LIMCH1: variants seen among roughly 807,000 people sequenced by gnomAD.
The protein encoded by LIMCH1 is LIM and calponin homology domains-containing protein 1.
Under a neutral mutation model 176.5 loss-of-function variants are expected in LIMCH1, and 113 were observed. The ratio of observed to expected loss-of-function variants is 0.64; its 90% CI spans 0.55 to 0.75. The LOEUF (loss-of-function observed/expected upper bound fraction) is 0.75. Among genes scored for constraint, LIMCH1 ranks in the 30% least tolerant of loss-of-function variants. LIMCH1 has a pLI of 0.00. For missense variants in LIMCH1, 1,674 were observed against 1,814.9 expected (o/e 0.92, Z 1.41); for synonymous variants, 619 against 645.9 (o/e 0.96, Z 0.63).
At chr4:41,492,334 G>C (rs1398268838) in intron 1 of LIMCH1, among the ~76,000 whole-genome samples, 6 of 152,036 alleles carry the variant, frequency 3.9e-5, no homozygotes, top group Non-Finnish European at 8.8e-5. Context: ...CCGAGGCAGG[G>C]AGGTTGCAGC....
chr4:41,538,813 GC>G (rs1437301541), intron 1 of LIMCH1, among the ~76,000 whole-genome samples: 1 of 152,026 alleles, frequency 6.6e-6, no homozygotes, highest in African/African-American at 2.4e-5. Flanking sequence ...AGCCCCCTTT[GC>G]TTTTTAAAAA....
chr4:41,369,514 C>T (rs562895262), intron 1 of LIMCH1, among the ~76,000 whole-genome samples: 1 of 152,324 alleles, frequency 6.6e-6, no homozygotes, highest in Non-Finnish European at 1.5e-5. Flanking sequence ...TTCTCCACTT[C>T]TCCAGGGACA....
chr4:41,614,167 T>C (rs1292533860), intron 5 of LIMCH1, among the ~76,000 whole-genome samples: 2 of 152,252 alleles, frequency 1.3e-5, no homozygotes, highest in Non-Finnish European at 2.9e-5. Flanking sequence ...ATGCTTGTGA[T>C]ACCTGACTGG....
chr4:41,690,167 T>C (rs1724339684), intron 30 of LIMCH1, among the ~76,000 whole-genome samples: 1 of 152,226 alleles, frequency 6.6e-6, no homozygotes, highest in Non-Finnish European at 1.5e-5. Context: ...TTATCTTTGT[T>C]ATAGGTCCTT....
intron 1 of LIMCH1, among the ~76,000 whole-genome samples, chr4:41,580,766 A>G (rs2085280025): frequency 6.6e-6 from 1 of 152,198 alleles, no homozygotes; most frequent in Non-Finnish European, 1.5e-5. Flanking sequence ...AAATCTGTTG[A>G]AAGCCCACTT....
At chr4:41,493,778 G>A (rs3885691) in intron 1 of LIMCH1, among the ~76,000 whole-genome samples, 29,349 of 152,144 alleles carry the variant, frequency 0.19, 3,036 homozygotes, top group South Asian at 0.32. Flanking sequence ...TGGTGCCTAG[G>A]CCACAGGGCT....
chr4:41,515,418 C>G (rs2075458446), intron 2 of LIMCH1, among the ~76,000 whole-genome samples: 1 of 152,216 alleles, frequency 6.6e-6, no homozygotes, highest in Non-Finnish European at 1.5e-5. Flanking sequence ...CTAACCTAGC[C>G]TTAGCCACAG....
intron 1 of LIMCH1, among the ~76,000 whole-genome samples, chr4:41,390,237 AGG>A (rs1176560793): frequency 8.0e-6 from 1 of 125,626 alleles, no homozygotes; most frequent in Non-Finnish European, 1.6e-5. Flanking sequence ...CATCTCTCTC[AGG>A]GAGAGAGAGA....
chr4:41,606,262 A>G (rs997541514), intron 4 of LIMCH1, among the ~76,000 whole-genome samples: 1 of 152,142 alleles, frequency 6.6e-6, no homozygotes, highest in African/African-American at 2.4e-5. Flanking sequence ...AGCAAATTCA[A>G]TCTATCAGTA....
chr4:41,554,573 T>C (rs2080987140), intron 1 of LIMCH1, among the ~76,000 whole-genome samples: 1 of 152,168 alleles, frequency 6.6e-6, no homozygotes, highest in African/African-American at 2.4e-5. Flanking sequence ...ACTGCTTCTA[T>C]TAGTTATTAA....
At chr4:41,392,539 CAGAT>C (rs1468340094) in intron 1 of LIMCH1, among the ~76,000 whole-genome samples, 1 of 152,156 alleles carries the variant, frequency 6.6e-6, no homozygotes, top group African/African-American at 2.4e-5. Flanking sequence ...ACTTGAACCA[CAGAT>C]AGAGTAGCTA....
intron 8 of LIMCH1, among the ~76,000 whole-genome samples, chr4:41,627,475 G>GAA (rs200306505): frequency 1.3e-5 from 2 of 150,762 alleles, no homozygotes; most frequent in African/African-American, 4.9e-5. Flanking sequence ...GATGTTGGAA[G>GAA]AAAAAAAAAT....
At chr4:41,504,502 C>T (rs1197345989) in intron 2 of LIMCH1, among the ~76,000 whole-genome samples, 1 of 152,258 alleles carries the variant, frequency 6.6e-6, no homozygotes, top group East Asian at 1.9e-4. Context: ...CTGCCCTGCT[C>T]ACTTCAAGCC....
chr4:41,644,333 G>T (rs983489391), intron 14 of LIMCH1, among the ~76,000 whole-genome samples, 167 bp from the exon 15 acceptor site: 4 of 151,990 alleles, frequency 2.6e-5, no homozygotes, highest in Non-Finnish European at 5.9e-5. Context: ...CACGCCCACC[G>T]CCCGCCCAGG....
At chr4:41,484,292 A>G (rs531365405) in intron 1 of LIMCH1, among the ~76,000 whole-genome samples, 6 of 152,258 alleles carry the variant, frequency 3.9e-5, no homozygotes, top group Non-Finnish European at 7.4e-5. Flanking sequence ...CAGGGTTGGG[A>G]CCAGATCTTG....
intron 18 of LIMCH1, among the ~76,000 whole-genome samples, chr4:41,651,230 C>T (rs1465888061): frequency 6.6e-6 from 1 of 152,072 alleles, no homozygotes; most frequent in Non-Finnish European, 1.5e-5. Flanking sequence ...GTCTTGAGCT[C>T]CTGACCTCAA....
intron 3 of LIMCH1, among the ~76,000 whole-genome samples, chr4:41,531,082 T>C (rs558427235): frequency 6.6e-6 from 1 of 152,192 alleles, no homozygotes; most frequent in South Asian, 2.1e-4. Flanking sequence ...TTTGCCCAAC[T>C]CTACATCTGT....
chr4:41,613,719 A>G (rs2091740617), intron 5 of LIMCH1, 58 bp downstream of exon 5: 10 of 1,464,490 alleles, frequency 6.8e-6, no homozygotes, highest in Middle Eastern at 1.9e-4. Flanking sequence ...CAGGGGCTGC[A>G]TTGCGCCTGG....
intron 1 of LIMCH1, among the ~76,000 whole-genome samples, chr4:41,406,396 T>G (rs2058964706): frequency 6.6e-6 from 1 of 152,194 alleles, no homozygotes; most frequent in Non-Finnish European, 1.5e-5. Flanking sequence ...GAAGCTTGAC[T>G]TTTACCTCTG....
Sources: allele counts gnomAD v4.1 joint callset (sites outside exome capture counted in the v4.1 genomes callset), GRCh38; gene constraint gnomAD v4.1.1; transcripts MANE v1.5; gene names NCBI Gene and HGNC (gene_info 2026-07-23, HGNC 2026-07-21).